The following CSMD1 variants were observed in gnomAD, a reference collection of about 807,000 sequenced individuals.
CSMD1 encodes CUB and sushi domain-containing protein 1.
Under a neutral mutation model 417.5 loss-of-function variants are expected in CSMD1, and 213 were observed. The ratio of observed to expected loss-of-function variants is 0.51; its 90% CI spans 0.46 to 0.57. CSMD1 has a LOEUF of 0.57. CSMD1 is among the 20% of genes least tolerant of loss of function. The pLI is 0.00. For missense variants in CSMD1, 6,923 were observed against 4,529.7 expected, an observed-to-expected ratio of 1.53 and a Z score of -15.17; for synonymous variants, 2,862 against 1,736.8, an observed-to-expected ratio of 1.65 and a Z score of -16.11.
chr8:3,800,499 C>T (rs1319384478), intron 5 of CSMD1, among the ~76,000 whole-genome samples: 2 of 152,116 alleles, frequency 1.3e-5, no homozygotes, highest in African/African-American at 4.8e-5. Flanking sequence ...TGGATCCCTA[C>T]CTCACACCAT....
chr8:4,335,832 G>A (rs1030508392), intron 3 of CSMD1, among the ~76,000 whole-genome samples: 3 of 152,024 alleles, frequency 2.0e-5, no homozygotes, highest in African/African-American at 4.8e-5. Context: ...TCAGCCCAGG[G>A]GTTGATTGGG....
chr8:4,940,549 A>G (rs1807927457), intron 1 of CSMD1, among the ~76,000 whole-genome samples: 1 of 152,232 alleles, frequency 6.6e-6, no homozygotes, highest in South Asian at 2.1e-4. Flanking sequence ...AAATTCATCC[A>G]CACAGTATCA....
intron 3 of CSMD1, among the ~76,000 whole-genome samples, chr8:4,391,843 T>C (rs927276066): frequency 5.3e-5 from 8 of 152,114 alleles, no homozygotes; most frequent in Non-Finnish European, 1.2e-4. Flanking sequence ...CAAACCTGAG[T>C]CAATAGCCTC....
chr8:4,705,431 A>C (rs1275378490), intron 1 of CSMD1, among the ~76,000 whole-genome samples: 13 of 152,196 alleles, frequency 8.5e-5, no homozygotes, highest in Non-Finnish European at 2.9e-5. Flanking sequence ...CCTAATCCCC[A>C]GTCGCCTGTC....
intron 1 of CSMD1, among the ~76,000 whole-genome samples, chr8:4,980,569 G>C (rs1292739750): frequency 6.6e-6 from 1 of 152,174 alleles, no homozygotes; most frequent in Admixed American, 6.5e-5. Flanking sequence ...AAATAAATGA[G>C]AGACTTGAAT....
intron 3 of CSMD1, among the ~76,000 whole-genome samples, chr8:4,212,305 C>T (rs1279393323): frequency 1.3e-5 from 2 of 151,870 alleles, no homozygotes; most frequent in African/African-American, 4.8e-5. Context: ...AACTAGATAC[C>T]TACCACCCAA....
intron 23 of CSMD1, among the ~76,000 whole-genome samples, chr8:3,327,740 G>A (rs1361987596): frequency 1.3e-5 from 2 of 152,150 alleles, no homozygotes; most frequent in Non-Finnish European, 2.9e-5. Flanking sequence ...AGATTTAAGT[G>A]CTTAGTTTAT....
chr8:4,150,023 C>G (rs1455908719), intron 3 of CSMD1, among the ~76,000 whole-genome samples: 2 of 152,166 alleles, frequency 1.3e-5, no homozygotes, highest in African/African-American at 4.8e-5. Context: ...AAAATATCCT[C>G]AACGCTGCAC....
At chr8:4,752,324 T>C (rs746684359) in intron 1 of CSMD1, among the ~76,000 whole-genome samples, 4 of 152,192 alleles carry the variant, frequency 2.6e-5, no homozygotes, top group Non-Finnish European at 4.4e-5. Context: ...TGAAATTGCT[T>C]TATGTATTTC....
At chr8:3,415,024 T>G (rs1001792359) in intron 12 of CSMD1, among the ~76,000 whole-genome samples, 3 of 152,240 alleles carry the variant, frequency 2.0e-5, no homozygotes, top group African/African-American at 7.2e-5. Context: ...CTGTAGCACC[T>G]GTTCAGAGTC....
chr8:4,495,373 A>C (rs1197690743), intron 2 of CSMD1, among the ~76,000 whole-genome samples: 2 of 152,176 alleles, frequency 1.3e-5, no homozygotes, highest in Non-Finnish European at 2.9e-5. Context: ...CAAGGGTTCG[A>C]GACTAGCATG....
chr8:3,761,110 G>A lies in CSMD1; in HGVS notation c.819-7068C>T, dbSNP rs75487192. ...TTTTGAATTGGCTGTTACTCACATT[G>A]TAAGTGAAATCATTTCTCTCATGAA... is the stretch of plus-strand genomic sequence containing the variant. On this transcript the variant is annotated intron_variant, in intron 5 of 69. Transcript: ENST00000635120. 9.5e-4 allele frequency among the ~76,000 whole-genome samples: 145 copies of A among 152,140 alleles called. 2 individuals carry two copies. In the East Asian group the frequency reaches 0.023, roughly 24 times the overall value.
At chr8:4,302,199 A>T (rs1292570305) in intron 3 of CSMD1, among the ~76,000 whole-genome samples, 2 of 152,220 alleles carry the variant, frequency 1.3e-5, no homozygotes, top group Non-Finnish European at 2.9e-5. Flanking sequence ...CTAATAAAAA[A>T]CAAAGCTTTA....
At chr8:4,114,745 C>G (rs1011490141) in intron 3 of CSMD1, among the ~76,000 whole-genome samples, 1 of 152,248 alleles carries the variant, frequency 6.6e-6, no homozygotes, top group South Asian at 2.1e-4. Flanking sequence ...CAACACTTTA[C>G]AGTTGAGTTT....
In CSMD1 at chr8:3,529,668, A is replaced by C. The variant is rs145576310; in HGVS notation, c.1345-35942T>G. On this transcript the variant is annotated intron_variant, in intron 10 of 69. Coordinates refer to ENST00000635120, the MANE Select transcript of CSMD1 (RefSeq NM_033225.6). ...CTTTGAGGAAGAGTATCAGCTTCTC[A>C]GAAGAGCTTACTAAGCAACTCATAT... Among the ~76,000 whole-genome samples, 227 of 152,352 alleles carry C rather than the reference A, an allele frequency of 1.5e-3. 1 individual carries two copies. The highest frequency in any genetic ancestry group is 5.2e-3 in the African/African-American group (217 of 41,592).
intron 26 of CSMD1, among the ~76,000 whole-genome samples, chr8:3,258,349 CCATCACT>C (rs1447950570): frequency 1.1e-4 from 17 of 152,100 alleles, no homozygotes; most frequent in African/African-American, 3.6e-4. Context: ...AAAAAGCTCA[CCATCACT>C]GATCGTTAGA....
chr8:4,181,934 G>A (rs958438137), intron 3 of CSMD1, among the ~76,000 whole-genome samples: 1 of 135,704 alleles, frequency 7.4e-6, no homozygotes, highest in Non-Finnish European at 1.6e-5. Context: ...ACTTTGCTAG[G>A]TGATTCTGTT....
At position 4,905,698 on chromosome 8, in the gene CSMD1, T is replaced by C. The variant is rs538145464; in HGVS notation, c.85+88634A>G. 3.4e-3 allele frequency among the ~76,000 whole-genome samples: 521 copies of C among 151,594 alleles called. 1 individual carries two copies. The highest frequency in any genetic ancestry group is 4.7e-3 in the Non-Finnish European group (317 of 67,896). On this transcript the variant is annotated intron_variant, in intron 1 of 69. Coordinates refer to ENST00000635120, the MANE Select transcript of CSMD1 (RefSeq NM_033225.6). ...AGCCGGGCGTGGTGGCGGGCGCCTG[T>C]AGTCCCAGCTCCTCGGGAGGCTGAG...
intron 10 of CSMD1, among the ~76,000 whole-genome samples, chr8:3,520,094 T>G (rs1184393466): frequency 1.3e-5 from 2 of 151,114 alleles, no homozygotes; most frequent in Non-Finnish European, 2.9e-5. Flanking sequence ...TTCTATCATT[T>G]ATGCTTCTTA....
Sources: allele counts gnomAD v4.1 joint callset (sites outside exome capture counted in the v4.1 genomes callset), GRCh38; gene constraint gnomAD v4.1.1; transcripts MANE v1.5; gene names NCBI Gene and HGNC (gene_info 2026-07-23, HGNC 2026-07-21).